Variants in SLC30A4 observed in about 807,000 individuals in gnomAD.
SLC30A4 encodes the protein probable proton-coupled zinc antiporter SLC30A4.
A neutral mutation model predicts 41.7 loss-of-function variants in SLC30A4; 20 were observed. That is an observed-to-expected ratio of 0.48 (90% CI 0.34 to 0.70). The LOEUF (loss-of-function observed/expected upper bound fraction) is 0.70. Ranked by LOEUF, SLC30A4 falls within the 30% of genes least tolerant of loss-of-function variation. The pLI is 0.01. For missense variants in SLC30A4, 441 were observed against 529.3 expected (o/e 0.83, Z 1.64); for synonymous variants, 181 against 195.9 (o/e 0.92, Z 0.64).
Position 45,482,297 on chromosome 15 carries a change from T to C in SLC30A4, c.*2866A>G, listed in dbSNP as rs1891614306. The C allele has an allele frequency of 6.6e-6, 1 of 151,864 alleles. No homozygotes were observed. Among genetic ancestry groups the C allele is most frequent in the Admixed American group, 6.6e-5 (1 of 15,224 alleles). 9.4% of individuals were successfully genotyped at this position (151,864 alleles called of 1,614,324 possible). A position where few individuals can be genotyped will look rare whatever the true frequency, so the allele number is the denominator to read the frequency against. On this transcript the variant is annotated 3_prime_UTR_variant, in exon 8 of 8. Transcript: ENST00000261867. ...AGCTGGGTGTGGTGGTGCATGCCTG[T>C]GGTACCAGCTACTTGGGAGGCTGAG...
intron 2 of SLC30A4, among the ~76,000 whole-genome samples, chr15:45,512,847 T>G (rs550236748): frequency 1.3e-5 from 2 of 152,064 alleles, no homozygotes; most frequent in Non-Finnish European, 2.9e-5. Context: ...GCTAGTAAGG[T>G]TGGGGCACAG....
chr15:45,498,289 T>C (rs1197447394), intron 3 of SLC30A4, among the ~76,000 whole-genome samples: 1 of 151,928 alleles, frequency 6.6e-6, no homozygotes, highest in Non-Finnish European at 1.5e-5. Flanking sequence ...GGAAAAAGAG[T>C]GGGCTATATT....
intron 3 of SLC30A4, among the ~76,000 whole-genome samples, chr15:45,493,170 G>T (rs549754899): frequency 6.6e-6 from 1 of 152,282 alleles, no homozygotes; most frequent in African/African-American, 2.4e-5. Context: ...TCCTTGGGAG[G>T]CTGAGGCAGA....
chr15:45,497,633 T>C (rs1891933963), intron 3 of SLC30A4, among the ~76,000 whole-genome samples: 1 of 151,932 alleles, frequency 6.6e-6, no homozygotes, highest in African/African-American at 2.4e-5. Flanking sequence ...AAGAAAAAAA[T>C]AAATAGGAGA....
intron 5 of SLC30A4, 68 bp from the exon 6 acceptor site, chr15:45,487,700 A>AGAAG: frequency 1.3e-6 from 1 of 752,558 alleles, no homozygotes. Context: ...AAGCAAAGCA[A>AGAAG]GGAATATGTC....
chr15:45,494,069 C>T (rs1891861903), intron 3 of SLC30A4, among the ~76,000 whole-genome samples: 2 of 152,040 alleles, frequency 1.3e-5, no homozygotes, highest in South Asian at 4.1e-4. Context: ...ACAGACTATA[C>T]ACTCTTTGAG....
At chr15:45,521,930 G>A in intron 2 of SLC30A4, 34 bp downstream of exon 2, 1 of 1,592,750 alleles carries the variant, frequency 6.3e-7, no homozygotes, top group Non-Finnish European at 8.6e-7. Context: ...CTCGAGGAAA[G>A]GTAAACGGAA....
intron 3 of SLC30A4, among the ~76,000 whole-genome samples, chr15:45,500,642 ATCTATCTATCTATCTATCTATATGTTTT>A: frequency 7.5e-6 from 1 of 133,978 alleles, no homozygotes; most frequent in African/African-American, 4.0e-5. Context: ...CTATCTATCT[ATCTATCTATCTATCTATCTATATGTTTT>A]TGTTTTATTT....
At chr15:45,507,219 C>A (rs1395670647) in intron 3 of SLC30A4, among the ~76,000 whole-genome samples, 1 of 151,704 alleles carries the variant, frequency 6.6e-6, no homozygotes, top group Admixed American at 6.6e-5. Context: ...ACTCTGGAGG[C>A]TGAGGCAGGA....
At position 45,483,628 on chromosome 15, in the gene SLC30A4, C is replaced by G. The variant is rs1050618489; in HGVS notation, c.*1535G>C. On this transcript the variant is annotated 3_prime_UTR_variant, in exon 8 of 8. Transcript: ENST00000261867. ...TGGCTCATGCTGTAATCCCAGCACTCTGGAAGGCCAAGGCAGGCGGATCAC... is the reference window on the plus strand; with the variant it reads ...TGGCTCATGCTGTAATCCCAGCACTGTGGAAGGCCAAGGCAGGCGGATCAC... 1 of 152,442 alleles carries G rather than the reference C, an allele frequency of 6.6e-6. No individual in the cohort carries two copies. 9.4% of individuals were successfully genotyped at this position (152,442 alleles called of 1,614,324 possible).
chr15:45,521,916 G>A (rs777504568), intron 2 of SLC30A4, 48 bp downstream of exon 2: 11 of 1,566,802 alleles, frequency 7.0e-6, no homozygotes, highest in Non-Finnish European at 7.8e-6. Flanking sequence ...GCTTGACAAA[G>A]ACTCTCGAGG....
At chr15:45,518,653 C>A (rs371844358) in intron 2 of SLC30A4, among the ~76,000 whole-genome samples, 2 of 152,242 alleles carry the variant, frequency 1.3e-5, no homozygotes, top group Admixed American at 6.5e-5. Context: ...ACCTCCACCC[C>A]CTGGGCTCAA....
At chr15:45,511,445 T>C (rs1892288715) in intron 2 of SLC30A4, among the ~76,000 whole-genome samples, 161 bp from the exon 3 acceptor site, 2 of 152,168 alleles carry the variant, frequency 1.3e-5, no homozygotes, top group Non-Finnish European at 2.9e-5. Flanking sequence ...TTCAAAATAT[T>C]AGATATAGGT....
At chr15:45,520,572 G>A (rs1047648827) in intron 2 of SLC30A4, among the ~76,000 whole-genome samples, 2 of 152,180 alleles carry the variant, frequency 1.3e-5, no homozygotes, top group South Asian at 4.1e-4. Context: ...ACTGCACCCG[G>A]CCGGGGTGTC....
chr15:45,517,014 C>T (rs1892499531), intron 2 of SLC30A4, among the ~76,000 whole-genome samples: 1 of 152,112 alleles, frequency 6.6e-6, no homozygotes, highest in Non-Finnish European at 1.5e-5. Context: ...TATATACACT[C>T]TCAATTAAGC....
In SLC30A4 at chr15:45,484,261, G is replaced by C. The variant is rs187910063; in HGVS notation, c.*902C>G. 2.0e-3 allele frequency: 301 copies of C among 152,360 alleles called. 1 individual carries two copies. Among genetic ancestry groups the C allele is most frequent in the Non-Finnish European group, 1.0e-3 (69 of 68,006 alleles). The allele number at this position is 152,360 out of a possible 1,614,324, so 9.4% of individuals were successfully genotyped here. A position where few individuals can be genotyped will look rare whatever the true frequency, so the allele number is the denominator to read the frequency against. ...ACAAATTGTTGGCAGTTCTTAAAGG[G>C]ACAGAAGATTACTGTTTACATTTTG... On this transcript the variant is annotated 3_prime_UTR_variant, in exon 8 of 8. Transcript: ENST00000261867.
At position 45,503,172 on chromosome 15, in the gene SLC30A4, A is replaced by T. The variant is rs184625002; in HGVS notation, c.538+7966T>A. On this transcript the variant is annotated intron_variant, in intron 3 of 7. Transcript: ENST00000261867. ...CAGCTGTAATTTGACATTAACCACA[A>T]TATAAGTAAATATTAAAAACTCTTT... Among the ~76,000 whole-genome samples, 439 of 152,284 alleles carry T rather than the reference A, an allele frequency of 2.9e-3. 2 individuals are homozygous for T. The highest frequency in any genetic ancestry group is 0.01 in the African/African-American group (417 of 41,564).
Position 45,486,760 on chromosome 15 carries a change from T to C in SLC30A4, c.1001-15A>G, listed in dbSNP as rs1333369635. On this transcript the variant is annotated splice_polypyrimidine_tract_variant and intron_variant, in intron 6 of 7. Coordinates refer to ENST00000261867, the MANE Select transcript of SLC30A4 (RefSeq NM_013309.6). ...GCTTGGCACACCTATTAGGAATATA[T>C]AATTTCTAAGTAAAATTTATTTTGG... 1 of 1,381,346 alleles carries C rather than the reference T, an allele frequency of 7.2e-7. No homozygotes were observed. The highest frequency in any genetic ancestry group is 9.7e-7 in the Non-Finnish European group (1 of 1,033,194). 85.6% of individuals were successfully genotyped at this position (1,381,346 alleles called of 1,614,324 possible).
chr15:45,517,715 G>A (rs1488796773), intron 2 of SLC30A4, among the ~76,000 whole-genome samples: 6 of 151,980 alleles, frequency 3.9e-5, no homozygotes, highest in Non-Finnish European at 7.4e-5. Context: ...TTGGGAGGCC[G>A]AGGCGGACAG....
Sources: allele counts gnomAD v4.1 joint callset (sites outside exome capture counted in the v4.1 genomes callset), GRCh38; gene constraint gnomAD v4.1.1; transcripts MANE v1.5; gene names NCBI Gene and HGNC (gene_info 2026-07-23, HGNC 2026-07-21).